Variants in DAB2IP observed in about 807,000 individuals in gnomAD.
DAB2IP encodes the protein DAB2 interacting protein.
DAB2IP carries 28 observed loss-of-function variants against 107.2 expected under a neutral mutation model. The ratio of observed to expected loss-of-function variants is 0.26; its 90% CI spans 0.19 to 0.36. The LOEUF (loss-of-function observed/expected upper bound fraction) is 0.36. DAB2IP is among the 10% of genes least tolerant of loss of function. The pLI is 1.00. For synonymous variants in DAB2IP, 755 were observed against 706.4 expected, an observed-to-expected ratio of 1.07 and a Z score of -1.09; for missense variants, 1,400 against 1,644.7, an observed-to-expected ratio of 0.85 and a Z score of 2.57.
chr9:121,644,656 A>AG (rs1832478132), intron 1 of DAB2IP, among the ~76,000 whole-genome samples: 2 of 152,180 alleles, frequency 1.3e-5, no homozygotes, highest in South Asian at 4.1e-4. Context: ...GAAAAAGAAA[A>AG]GAGCCAGGAG....
intron 3 of DAB2IP, among the ~76,000 whole-genome samples, chr9:121,747,093 T>A (rs1477904448): frequency 1.3e-5 from 2 of 152,206 alleles, no homozygotes; most frequent in African/African-American, 4.8e-5. Flanking sequence ...TTGCTGCAGT[T>A]GTGGCTGGGG....
intron 3 of DAB2IP, among the ~76,000 whole-genome samples, chr9:121,748,588 C>T (rs1410422262): frequency 6.6e-6 from 1 of 152,234 alleles, no homozygotes; most frequent in Non-Finnish European, 1.5e-5. Context: ...TCTTCTGGGG[C>T]AGTGCTGCCT....
At chr9:121,725,468 G>A (rs1384957376) in intron 3 of DAB2IP, among the ~76,000 whole-genome samples, 1 of 152,206 alleles carries the variant, frequency 6.6e-6, no homozygotes, top group East Asian at 1.9e-4. Context: ...GGGGTACCCA[G>A]TGCAGCAAAT....
intron 3 of DAB2IP, among the ~76,000 whole-genome samples, chr9:121,739,603 G>A (rs1382488533): frequency 6.6e-6 from 1 of 152,176 alleles, no homozygotes; most frequent in Non-Finnish European, 1.5e-5. Flanking sequence ...AGCAGGATTT[G>A]TGTTGGATTG....
chr9:121,691,825 G>A (rs1264644133), intron 2 of DAB2IP, among the ~76,000 whole-genome samples: 1 of 152,224 alleles, frequency 6.6e-6, no homozygotes, highest in Non-Finnish European at 1.5e-5. Context: ...AGGACCTAAA[G>A]AGGTGTGTCA....
At chr9:121,757,059 C>T in exon 4 of DAB2IP, 2 of 1,614,246 alleles carry the variant, frequency 1.2e-6, no homozygotes, top group Non-Finnish European at 1.7e-6. Context: ...CCACGAGTCC[C>T]TGCTCAGCCC....
rs1835208234 is a variant in DAB2IP, at chr9:121,776,468, C to T, written c.3314+77C>T. The T allele has an allele frequency of 2.6e-5, 37 of 1,406,412 alleles. No individual in the cohort carries two copies. The South Asian group carries it at 3.6e-4, about 14-fold the overall frequency. The allele number at this position is 1,406,412 out of a possible 1,614,324, so 87.1% of individuals were successfully genotyped here. On this transcript the variant is annotated intron_variant, in intron 14 of 15. Coordinates refer to ENST00000408936, the Ensembl canonical transcript of DAB2IP. The surrounding 1 kb of genome is among the most constrained non-coding windows in gnomAD (Gnocchi z 5.4). ...CGCTGCCTTCGAGGAGGCCCCTGGT[C>T]GGGGAGCCTCCTCAAAGGATAAGCT...
chr9:121,678,707 C>T (rs766491387), exon 2 of DAB2IP: 52 of 1,589,884 alleles, frequency 3.3e-5, no homozygotes, highest in East Asian at 6.9e-5. Context: ...GGGCTCTCGG[C>T]GCAGCCTGCC....
intron 6 of DAB2IP, among the ~76,000 whole-genome samples, chr9:121,761,681 C>T (rs1833904352): frequency 6.6e-6 from 1 of 152,118 alleles, no homozygotes; most frequent in Non-Finnish European, 1.5e-5. Flanking sequence ...CTGTAGTGCT[C>T]AGCTACCTCC....
intron 1 of DAB2IP, among the ~76,000 whole-genome samples, chr9:121,618,446 AG>A (rs958665075): frequency 2.6e-5 from 4 of 151,900 alleles, no homozygotes; most frequent in Admixed American, 2.0e-4. Flanking sequence ...CTGCAACCTC[AG>A]CCTCCCAGGT....
intron 1 of DAB2IP, among the ~76,000 whole-genome samples, chr9:121,573,043 A>G (rs1829984411): frequency 6.6e-6 from 1 of 151,606 alleles, no homozygotes; most frequent in African/African-American, 2.4e-5. Context: ...GGATCCAAAG[A>G]CACTTTATCT....
intron 1 of DAB2IP, among the ~76,000 whole-genome samples, chr9:121,591,743 T>G (rs1332636343): frequency 3.9e-5 from 6 of 152,198 alleles, no homozygotes; most frequent in African/African-American, 1.4e-4. Context: ...GATAAACATT[T>G]GGGAATCATC....
intron 3 of DAB2IP, chr9:121,742,877 T>C (rs1286934487): frequency 1.0e-6 from 1 of 985,332 alleles, no homozygotes; most frequent in Non-Finnish European, 1.2e-6. Flanking sequence ...CCCACAGGGT[T>C]CTGAGGCTCA....
chr9:121,650,555 A>G (rs1832704120), upstream of DAB2IP, among the ~76,000 whole-genome samples: 1 of 152,242 alleles, frequency 6.6e-6, no homozygotes, highest in Non-Finnish European at 1.5e-5. Context: ...GCCCCAGGCT[A>G]AGACCACTTG....
At chr9:121,768,510 G>A in exon 10 of DAB2IP, 1 of 1,614,210 alleles carries the variant, frequency 6.2e-7, no homozygotes, top group Non-Finnish European at 8.5e-7. Context: ...AGCGCTTCCT[G>A]CTGGAGATCT....
intron 1 of DAB2IP, among the ~76,000 whole-genome samples, chr9:121,577,345 G>A (rs902529528): frequency 3.9e-5 from 6 of 152,322 alleles, no homozygotes; most frequent in South Asian, 2.1e-4. Flanking sequence ...CTGGATGGCC[G>A]GATCGCCAGC....
intron 1 of DAB2IP, among the ~76,000 whole-genome samples, chr9:121,607,455 AC>A (rs1483348232): frequency 2.0e-5 from 3 of 152,084 alleles, no homozygotes; most frequent in Non-Finnish European, 4.4e-5. Flanking sequence ...GGCAAGCACC[AC>A]CATGCCCAGC....
At chr9:121,775,573 C>A (rs1357518864) in intron 13 of DAB2IP, among the ~76,000 whole-genome samples, 1 of 152,218 alleles carries the variant, frequency 6.6e-6, no homozygotes, top group Non-Finnish European at 1.5e-5. Flanking sequence ...TCTGCAGCCA[C>A]GCCGCTTCCC....
upstream of DAB2IP, among the ~76,000 whole-genome samples, chr9:121,646,729 G>GC (rs1056077992): frequency 2.0e-5 from 3 of 151,834 alleles, no homozygotes; most frequent in Non-Finnish European, 4.4e-5. Flanking sequence ...GACTCCTGTC[G>GC]CCCCTAGCCT....
Sources: allele counts gnomAD v4.1 joint callset (sites outside exome capture counted in the v4.1 genomes callset), GRCh38; gene constraint gnomAD v4.1.1; non-coding constraint Gnocchi (gnomAD v3.1); transcripts MANE v1.5; gene names NCBI Gene and HGNC (gene_info 2026-07-23, HGNC 2026-07-21).